The following TNKS2 variants were observed in gnomAD, a reference collection of about 807,000 sequenced individuals.
TNKS2 encodes the protein tankyrase 2.
In TNKS2, 72 loss-of-function variants were observed where a neutral mutation model predicts 137.6. The ratio of observed to expected loss-of-function variants is 0.52; its 90% CI spans 0.43 to 0.64. The LOEUF (loss-of-function observed/expected upper bound fraction) is 0.64. Among genes scored for constraint, TNKS2 ranks in the 30% least tolerant of loss-of-function variants. The probability of loss-of-function intolerance (pLI) is 0.00; values close to 1 mark genes in which losing one functional copy is unlikely to be tolerated. For missense variants in TNKS2, 1,049 were observed against 1,410.2 expected, an observed-to-expected ratio of 0.74 and a Z score of 4.10; for synonymous variants, 516 against 512.1, an observed-to-expected ratio of 1.01 and a Z score of -0.10.
chr10:91,851,167 G>A, intron 20 of TNKS2, 49 bp from the exon 21 acceptor site: 1 of 1,601,248 alleles, frequency 6.2e-7, no homozygotes, highest in Admixed American at 1.7e-5. Flanking sequence ...ATATATGAAT[G>A]TCCACCAAAT....
At chr10:91,821,737 A>C (rs1219156707) in intron 6 of TNKS2, among the ~76,000 whole-genome samples, 3 of 152,210 alleles carry the variant, frequency 2.0e-5, no homozygotes, top group Non-Finnish European at 4.4e-5. Context: ...TCTGGAAAAG[A>C]CATGTAGAAA....
rs1308246259 is a variant in TNKS2, at chr10:91,813,127, C to G, written c.344C>G (p.Ala115Gly). ...EVVNLLLRHG[A>G]DPNARDNWNY... is the part of the protein sequence containing the mutation. ...GTCAATCTCCTTTTGCGACATGGTG[C>G]AGACCCCAATGCTCGAGATAATTGG... The change falls in exon 2 of 27, where the codon GCA becomes GGA. Residue 115 changes from alanine to glycine, a missense_variant. Ala to Gly is a moderately conservative substitution (Grantham distance 60, BLOSUM62 0). Transcript: ENST00000371627. 1 of 1,614,164 alleles carries G rather than the reference C, an allele frequency of 6.2e-7. No homozygotes were observed. The highest frequency in any genetic ancestry group is 1.1e-5 in the South Asian group (1 of 91,066).
rs144387776 is a variant in TNKS2, at chr10:91,836,842, T to C, written c.1448-77T>C. ...ATTGTAAAAGAACTTTGCTTTCTGA[T>C]GAGATGCCTTCCATAAAGCTTGGTT... On this transcript the variant is annotated intron_variant, in intron 12 of 26. Coordinates refer to ENST00000371627, the MANE Select transcript of TNKS2 (RefSeq NM_025235.4). 13,439 of 1,529,192 alleles carry C rather than the reference T, an allele frequency of 8.8e-3. 71 individuals are homozygous for C. The highest frequency in any genetic ancestry group is 0.011 in the Non-Finnish European group (12,077 of 1,139,338). 94.7% of individuals were successfully genotyped at this position (1,529,192 alleles called of 1,614,324 possible).
chr10:91,808,366 G>A (rs1392589268), intron 1 of TNKS2, among the ~76,000 whole-genome samples: 1 of 152,040 alleles, frequency 6.6e-6, no homozygotes, highest in Non-Finnish European at 1.5e-5. Context: ...GGAAAGGGAA[G>A]AATCGTGTGA....
intron 1 of TNKS2, among the ~76,000 whole-genome samples, chr10:91,802,095 A>G (rs192569930): frequency 6.6e-6 from 1 of 152,306 alleles, no homozygotes; most frequent in African/African-American, 2.4e-5. Flanking sequence ...ACAAGGTAAC[A>G]CTTATTTTAT....
intron 1 of TNKS2, among the ~76,000 whole-genome samples, chr10:91,801,559 C>T (rs1336619056): frequency 1.3e-5 from 2 of 152,122 alleles, no homozygotes; most frequent in African/African-American, 2.4e-5. Context: ...CTGCAACCCC[C>T]ACCTTCCGGG....
At position 91,828,400 on chromosome 10, in the gene TNKS2, A is replaced by G; in HGVS notation, c.1098A>G (p.Thr366=). 6.4e-7 allele frequency: 1 copy of G among 1,573,266 alleles called. No individual in the cohort carries two copies. The highest frequency in any genetic ancestry group is 8.6e-7 in the Non-Finnish European group (1 of 1,163,756). ...VNFKHPQTHE[T]ALHCAAASPY... ...TCAAGCATCCTCAAACACATGAAAC[A>G]GCATTGGTAATGTTTCAGATTTAAG... Residue 366 remains threonine (T), a synonymous_variant, in exon 9 of 27, where the codon ACA becomes ACG. Coordinates refer to ENST00000371627, the MANE Select transcript of TNKS2 (RefSeq NM_025235.4).
chr10:91,858,397 T>C (rs550856672), intron 24 of TNKS2, among the ~76,000 whole-genome samples: 2 of 152,320 alleles, frequency 1.3e-5, no homozygotes, highest in South Asian at 4.1e-4. Context: ...TTTTTCTAAT[T>C]TGTAATATAA....
At chr10:91,848,295 T>C in intron 18 of TNKS2, 88 bp from the exon 19 acceptor site, 1 of 1,400,482 alleles carries the variant, frequency 7.1e-7, no homozygotes, top group South Asian at 1.6e-5. Context: ...ATTGCTGGGT[T>C]TTCTCATATT....
At chr10:91,828,770 A>G (rs1213657869) in intron 9 of TNKS2, among the ~76,000 whole-genome samples, 1 of 152,200 alleles carries the variant, frequency 6.6e-6, no homozygotes, top group East Asian at 1.9e-4. Context: ...AAAATAAAAT[A>G]AATACCACCA....
Position 91,822,344 on chromosome 10 carries a change from A to G in TNKS2, c.777A>G (p.Val259=). 1.2e-6 allele frequency: 2 copies of G among 1,613,514 alleles called. No individual in the cohort carries two copies. Among genetic ancestry groups the G allele is most frequent in the African/African-American group, 2.7e-5 (2 of 75,026 alleles). Residue 259 remains valine, a synonymous_variant, in exon 7 of 27, where the codon GTA becomes GTG. Transcript: ENST00000371627. ...HNACSYGHYE[V]TELLVKHGAC... ...CCTGTTCTTATGGTCATTATGAAGTAACTGAACTTTTGGTCAAGGTTAGTG... is the reference window on the plus strand; with the variant it reads ...CCTGTTCTTATGGTCATTATGAAGTGACTGAACTTTTGGTCAAGGTTAGTG...
At position 91,842,358 on chromosome 10, in the gene TNKS2, C is replaced by T; in HGVS notation, c.2026C>T (p.Gln676Ter). The change falls in exon 16 of 27, where the codon CAA becomes TAA. Residue 676 changes from glutamine (Q) to a stop codon, truncating the protein, a stop_gained. Transcript: ENST00000371627. LOFTEE classifies it high-confidence loss of function. ...TGATAATGTAAATTGCCGCGATACC[C>T]AAGGCAGACATTCAACACCTTTACA... The part of the protein sequence containing the change: ...SPDNVNCRDT[Q>*]GRHSTPLHLA... 8 of 1,614,084 alleles carry T rather than the reference C, an allele frequency of 5.0e-6. No homozygotes were observed. The highest frequency in any genetic ancestry group is 6.8e-6 in the Non-Finnish European group (8 of 1,179,982).
Position 91,838,036 on chromosome 10 carries a change from A to ATTTTT in TNKS2, c.1527+1062_1527+1066dup, listed in dbSNP as rs71025367. Among the ~76,000 whole-genome samples the ATTTTT allele has an allele frequency of 9.0e-4, 46 of 51,234 alleles. 4 individuals carry two copies. The highest frequency in any genetic ancestry group is 2.4e-3 in the East Asian group (3 of 1,226). The allele number at this position is 51,234 out of a possible 152,430, so 33.6% of individuals were successfully genotyped here. A position where few individuals can be genotyped will look rare whatever the true frequency, so the allele number is the denominator to read the frequency against. Reference sequence around the variant, plus strand: ...AAATTGAGTTGAAAGCAATTAGCTGATTTTTTTTTTTTTTTTTTTTTTTTT... The same window carrying ATTTTT: ...AAATTGAGTTGAAAGCAATTAGCTGATTTTTTTTTTTTTTTTTTTTTTTTTTTTTT... On this transcript the variant is annotated intron_variant, in intron 13 of 26. Coordinates refer to ENST00000371627, the MANE Select transcript of TNKS2 (RefSeq NM_025235.4).
intron 3 of TNKS2, among the ~76,000 whole-genome samples, 183 bp from the exon 4 acceptor site, chr10:91,819,087 T>A (rs1295840575): frequency 6.6e-6 from 1 of 152,134 alleles, no homozygotes; most frequent in African/African-American, 2.4e-5. Context: ...CAAAGGTATT[T>A]CATGTTTGCT....
At chr10:91,818,568 G>C (rs1221428159) in intron 3 of TNKS2, among the ~76,000 whole-genome samples, 3 of 152,096 alleles carry the variant, frequency 2.0e-5, no homozygotes, top group Non-Finnish European at 4.4e-5. Context: ...GCCTCACTCT[G>C]TCGCCCAGGC....
chr10:91,852,909 A>C (rs1842590373), intron 21 of TNKS2, among the ~76,000 whole-genome samples: 1 of 152,254 alleles, frequency 6.6e-6, no homozygotes, highest in Non-Finnish European at 1.5e-5. Flanking sequence ...TTTAAAGTGC[A>C]ATATGCTCTT....
At chr10:91,819,456 TTAC>T in intron 4 of TNKS2, 23 bp from the exon 5 acceptor site, 1 of 1,551,124 alleles carries the variant, frequency 6.4e-7, no homozygotes. Flanking sequence ...AGAATGCAAA[TTAC>T]TAATACTTTT....
Position 91,848,478 on chromosome 10 carries a change from A to T in TNKS2, c.2454A>T (p.Pro818=), listed in dbSNP as rs138704125. 19 of 1,614,018 alleles carry T rather than the reference A, an allele frequency of 1.2e-5. No homozygotes were observed. In the African/African-American group the frequency reaches 2.5e-4, roughly 22 times the overall value. ...KPQVLNGVRS[P]GATADALSSG... is the part of the protein sequence containing the mutation. ...AAGTGCTCAATGGTGTGAGAAGCCCAGGAGCCACTGCAGATGCTCTCTCTT... is the reference window on the plus strand; with the variant it reads ...AAGTGCTCAATGGTGTGAGAAGCCCTGGAGCCACTGCAGATGCTCTCTCTT... The change falls in exon 19 of 27, where the codon CCA becomes CCT. Residue 818 remains proline (P), a synonymous_variant. Coordinates refer to ENST00000371627, the MANE Select transcript of TNKS2 (RefSeq NM_025235.4).
rs74151737 is a variant in TNKS2, at chr10:91,807,205, G to C, written c.200-5778G>C. 1.1e-4 allele frequency: 175 copies of C among 1,606,422 alleles called. No homozygotes were observed. In the African/African-American group the frequency reaches 2.1e-3, roughly 19 times the overall value. ...CACTCAGTTTCCATGGTAACATTGC[G>C]GGCTTCCTTGGCTACCATAAGTCGC... On this transcript the variant is annotated intron_variant, in intron 1 of 26. Transcript: ENST00000371627.
Sources: gnomAD v4.1 joint callset for allele counts (sites outside exome capture counted in the v4.1 genomes callset) on GRCh38, gnomAD v4.1.1 for gene constraint, MANE v1.5 for transcripts, NCBI Gene and HGNC (gene_info 2026-07-23, HGNC 2026-07-21) for gene names.